Variants in MYOM1 observed in about 807,000 individuals in gnomAD.
The protein encoded by MYOM1 is myomesin-1.
A neutral mutation model predicts 205.3 loss-of-function variants in MYOM1; 164 were observed. The ratio of observed to expected loss-of-function variants is 0.80; its 90% CI spans 0.70 to 0.91. The LOEUF (loss-of-function observed/expected upper bound fraction) is 0.91. Ranked by LOEUF, MYOM1 falls within the 40% of genes least tolerant of loss-of-function variation. The pLI, the probability that MYOM1 is intolerant of heterozygous loss-of-function variation, is 0.00. For missense variants in MYOM1, 2,011 were observed against 2,127.3 expected (o/e 0.95, Z 1.08); for synonymous variants, 772 against 789.4 (o/e 0.98, Z 0.37).
rs370436188 is a variant in MYOM1 at position 3,143,315 on chromosome 18, A to T, written c.1901-1252T>A. ...TTCAAGAATGAAGGTAAAATAGAGG[A>T]TTTTTTTTACATAACAAAAGATAAA... On this transcript the variant is annotated intron_variant, in intron 13 of 37. Coordinates refer to ENST00000356443, the MANE Select transcript of MYOM1 (RefSeq NM_003803.4). Among the ~76,000 whole-genome samples, 214 of 152,088 alleles carry T rather than the reference A, an allele frequency of 1.4e-3. 1 individual carries two copies. The highest frequency in any genetic ancestry group is 0.014 in the South Asian group (67 of 4,822).
chr18:3,124,684 A>G (rs772726751), intron 19 of MYOM1, among the ~76,000 whole-genome samples: 60 of 151,950 alleles, frequency 3.9e-4, no homozygotes, highest in Non-Finnish European at 7.1e-4. Context: ...GGGGGGGTTA[A>G]TTTTGATGCT....
chr18:3,135,284 C>T lies in MYOM1; in HGVS notation c.2209+263G>A, dbSNP rs556692913. The stretch of plus-strand genomic sequence containing the variant: ...TTTTTTAAAGCAAAAAATTTTAAAA[C>T]AGTTAGGGAGCATGGATAAACTAAA... On this transcript the variant is annotated intron_variant, in intron 15 of 37. Coordinates refer to ENST00000356443, the MANE Select transcript of MYOM1 (RefSeq NM_003803.4). The surrounding 1 kb of genome is among the most constrained non-coding windows in gnomAD (Gnocchi z 4.1). 1.1e-5 allele frequency: 4 copies of T among 366,004 alleles called. No homozygotes were observed. The highest frequency in any genetic ancestry group is 4.9e-6 in the Non-Finnish European group (1 of 203,530). 22.7% of individuals were successfully genotyped at this position (366,004 alleles called of 1,614,324 possible). A position where few individuals can be genotyped will look rare whatever the true frequency, so the allele number is the denominator to read the frequency against.
intron 5 of MYOM1, among the ~76,000 whole-genome samples, chr18:3,186,376 G>T (rs1194512440): frequency 1.3e-5 from 2 of 152,134 alleles, no homozygotes; most frequent in Non-Finnish European, 2.9e-5. Context: ...AACCTAAGGT[G>T]CATTTACCAC....
At chr18:3,127,303 ATATTTT>A (rs1172808136) in intron 18 of MYOM1, among the ~76,000 whole-genome samples, 2 of 48,836 alleles carry the variant, frequency 4.1e-5, no homozygotes, top group Middle Eastern at 0.012. Context: ...ATATATATAT[ATATTTT>A]TTTTTTTTTT....
chr18:3,221,362 A>T (rs1411270000), upstream of MYOM1, among the ~76,000 whole-genome samples: 1 of 152,200 alleles, frequency 6.6e-6, no homozygotes, highest in East Asian at 1.9e-4. Flanking sequence ...AGTATACTTC[A>T]TCATGACTTT....
At chr18:3,212,125 G>C (rs2081197881) in intron 2 of MYOM1, among the ~76,000 whole-genome samples, 1 of 152,136 alleles carries the variant, frequency 6.6e-6, no homozygotes, top group Non-Finnish European at 1.5e-5. Context: ...GGCTTTCTTT[G>C]CCTTTCACAT....
At chr18:3,105,312 C>T (rs1024600487) in intron 22 of MYOM1, among the ~76,000 whole-genome samples, 33 of 152,254 alleles carry the variant, frequency 2.2e-4, no homozygotes, top group African/African-American at 7.5e-4. Flanking sequence ...GTGATACTTA[C>T]GGCTCTGAGT....
At chr18:3,201,401 A>G (rs534388919) in intron 2 of MYOM1, among the ~76,000 whole-genome samples, 7 of 146,938 alleles carry the variant, frequency 4.8e-5, no homozygotes, top group African/African-American at 1.5e-4. Context: ...ACTCCGTCTC[A>G]AAAAAAAAAA....
intron 33 of MYOM1, among the ~76,000 whole-genome samples, chr18:3,079,961 G>C (rs2079065617): frequency 6.6e-6 from 1 of 152,180 alleles, no homozygotes; most frequent in African/African-American, 2.4e-5. Flanking sequence ...GTCATGAGCA[G>C]ACCCATGCAA....
intron 22 of MYOM1, among the ~76,000 whole-genome samples, chr18:3,110,378 C>T (rs891554367): frequency 3.3e-5 from 5 of 152,274 alleles, no homozygotes; most frequent in Middle Eastern, 3.4e-3. Context: ...CAGCCTCATG[C>T]CCACCTTGGA....
At chr18:3,123,735 G>A (rs2079733866) in intron 19 of MYOM1, among the ~76,000 whole-genome samples, 1 of 151,010 alleles carries the variant, frequency 6.6e-6, no homozygotes, top group African/African-American at 2.4e-5. Context: ...CAAGTGCAAA[G>A]GGCTAAGAGT....
the MYOM1 span, among the ~76,000 whole-genome samples, chr18:3,236,220 G>A: frequency 1.3e-5 from 2 of 152,172 alleles, no homozygotes; most frequent in East Asian, 3.9e-4. Context: ...CTAGTTTATA[G>A]TTAAAGGATT....
In MYOM1 at chr18:3,125,428, T is replaced by G. The variant is rs1156579868; in HGVS notation, c.2991+1273A>C. Among the ~76,000 whole-genome samples the G allele has an allele frequency of 3.9e-5, 6 of 152,184 alleles. No individual in the cohort carries two copies. In the East Asian group the frequency reaches 1.2e-3, roughly 29 times the overall value. On this transcript the variant is annotated intron_variant, in intron 19 of 37. Coordinates refer to ENST00000356443, the MANE Select transcript of MYOM1 (RefSeq NM_003803.4). ...TATAGCAATGAAAAAGAATGAGTTA[T>G]AGCCACATGCACTAACAGGGAAGAA...
chr18:3,227,174 T>C, the MYOM1 span, among the ~76,000 whole-genome samples: 2 of 151,066 alleles, frequency 1.3e-5, no homozygotes, highest in South Asian at 4.2e-4. Flanking sequence ...GCTTTCTCTT[T>C]CTTTTGTTTT....
intron 2 of MYOM1, among the ~76,000 whole-genome samples, chr18:3,213,179 G>A (rs928041761): frequency 6.6e-6 from 1 of 152,232 alleles, no homozygotes; most frequent in Admixed American, 6.5e-5. Context: ...CTCACTTCTA[G>A]TTAAACCGAC....
intron 19 of MYOM1, among the ~76,000 whole-genome samples, chr18:3,120,558 C>A (rs2079674342): frequency 1.3e-5 from 2 of 152,136 alleles, no homozygotes; most frequent in Admixed American, 1.3e-4. Context: ...CAGCTGATAA[C>A]CGGATTGCAG....
chr18:3,094,157 G>T lies in MYOM1; in HGVS notation c.3864+13C>A. 6.2e-7 allele frequency: 1 copy of T among 1,613,290 alleles called. No homozygotes were observed. The highest frequency in any genetic ancestry group is 8.5e-7 in the Non-Finnish European group (1 of 1,179,346). On this transcript the variant is annotated intron_variant, in intron 26 of 37. Transcript: ENST00000356443. ...AATGATACATTAAAAAGTCTAAACA[G>T]TGTAAAACCTACCGGGCCTTCAAAA...
chr18:3,085,911 C>T (rs1598656198), intron 30 of MYOM1, 127 bp downstream of exon 30: 5 of 593,692 alleles, frequency 8.4e-6, no homozygotes, highest in Non-Finnish European at 8.8e-6. Context: ...TGTGTTCCTA[C>T]AGCAGTTGGA....
chr18:3,069,625 CT>C (rs1179410916), intron 37 of MYOM1, among the ~76,000 whole-genome samples: 1 of 151,154 alleles, frequency 6.6e-6, no homozygotes, highest in Non-Finnish European at 1.5e-5. Context: ...TAGGTATATG[CT>C]TTTGGAAACT....
Sources: gnomAD v4.1 joint callset for allele counts (sites outside exome capture counted in the v4.1 genomes callset) on GRCh38, gnomAD v4.1.1 for gene constraint, Gnocchi (gnomAD v3.1) non-coding constraint, MANE v1.5 for transcripts, NCBI Gene and HGNC (gene_info 2026-07-23, HGNC 2026-07-21) for gene names.